The following PPARGC1A variants were observed in gnomAD, a reference collection of about 807,000 sequenced individuals.
PPARGC1A encodes the protein peroxisome proliferator-activated receptor gamma coactivator 1-alpha.
In PPARGC1A, 25 loss-of-function variants were observed where a neutral mutation model predicts 88.7. The ratio of observed to expected loss-of-function variants is 0.28; its 90% CI spans 0.21 to 0.39. The LOEUF is 0.39. PPARGC1A is among the 10% of genes least tolerant of loss of function. The probability of loss-of-function intolerance (pLI) is 1.00; values close to 1 mark genes in which losing one functional copy is unlikely to be tolerated. For missense variants in PPARGC1A, 880 were observed against 968.7 expected (o/e 0.91, Z 1.22); for synonymous variants, 363 against 355.6 (o/e 1.02, Z -0.24).
chr4:24,377,015 G>A, the PPARGC1A span, among the ~76,000 whole-genome samples: 7 of 152,050 alleles, frequency 4.6e-5, no homozygotes, highest in Non-Finnish European at 8.8e-5. Context: ...GAGGGCACCA[G>A]TTACTGAACT....
At chr4:23,975,036 G>A in the PPARGC1A span, among the ~76,000 whole-genome samples, 1 of 151,936 alleles carries the variant, frequency 6.6e-6, no homozygotes, top group Admixed American at 6.6e-5. Context: ...GGCTACGGGC[G>A]CAGCACAAAG....
At chr4:23,886,816 C>A (rs187002314) in intron 1 of PPARGC1A, among the ~76,000 whole-genome samples, 45 of 144,574 alleles carry the variant, frequency 3.1e-4, no homozygotes, top group Middle Eastern at 7.2e-3. Context: ...ACTTTTTCAA[C>A]GGTGCAAGAT....
At chr4:24,256,290 C>T in the PPARGC1A span, among the ~76,000 whole-genome samples, 1 of 152,126 alleles carries the variant, frequency 6.6e-6, no homozygotes, top group Admixed American at 6.5e-5. Context: ...GTTTGTCTTG[C>T]ATACCAAAAA....
the PPARGC1A span, among the ~76,000 whole-genome samples, chr4:24,274,969 T>C: frequency 1.3e-5 from 2 of 152,166 alleles, no homozygotes; most frequent in African/African-American, 4.8e-5. Context: ...ACCAAGAAAC[T>C]TTGCCGCTAA....
At chr4:24,419,684 T>C in the PPARGC1A span, among the ~76,000 whole-genome samples, 5 of 152,164 alleles carry the variant, frequency 3.3e-5, no homozygotes, top group South Asian at 4.1e-4. Flanking sequence ...CTGCTGACTC[T>C]TCAATTCTTT....
the PPARGC1A span, among the ~76,000 whole-genome samples, chr4:24,370,369 C>T: frequency 4.6e-5 from 7 of 152,126 alleles, no homozygotes; most frequent in Admixed American, 1.3e-4. Flanking sequence ...TAAATAATAG[C>T]GACGGTGTAT....
the PPARGC1A span, among the ~76,000 whole-genome samples, chr4:24,277,812 A>T: frequency 6.6e-6 from 1 of 152,138 alleles, no homozygotes; most frequent in Admixed American, 6.5e-5. Context: ...TGCTCCTGTC[A>T]CTAATGGGCT....
At chr4:24,258,992 T>C in the PPARGC1A span, among the ~76,000 whole-genome samples, 6 of 152,110 alleles carry the variant, frequency 3.9e-5, no homozygotes, top group South Asian at 2.1e-4. Flanking sequence ...AATCCTATGG[T>C]TCGATAATTT....
the PPARGC1A span, among the ~76,000 whole-genome samples, chr4:24,422,932 G>A: frequency 2.0e-5 from 3 of 152,266 alleles, no homozygotes; most frequent in Middle Eastern, 3.4e-3. Context: ...ATCCCATGCC[G>A]ATTCACTAAG....
At chr4:24,405,037 A>C in the PPARGC1A span, among the ~76,000 whole-genome samples, 18 of 152,330 alleles carry the variant, frequency 1.2e-4, no homozygotes, top group East Asian at 3.5e-3. Flanking sequence ...GGACTTAATG[A>C]TGCCTGCCTA....
chr4:24,243,254 T>A, the PPARGC1A span, among the ~76,000 whole-genome samples: 2 of 152,172 alleles, frequency 1.3e-5, no homozygotes, highest in Non-Finnish European at 2.9e-5. Flanking sequence ...ATTATTAATA[T>A]TTGGAACCCA....
At chr4:24,375,643 ATG>A in the PPARGC1A span, among the ~76,000 whole-genome samples, 1 of 152,276 alleles carries the variant, frequency 6.6e-6, no homozygotes, top group African/African-American at 2.4e-5. Flanking sequence ...AGCTTATATT[ATG>A]GTGGGAGGAG....
the PPARGC1A span, among the ~76,000 whole-genome samples, chr4:24,412,569 C>T: frequency 6.6e-6 from 1 of 152,182 alleles, no homozygotes; most frequent in Non-Finnish European, 1.5e-5. Context: ...CAACCTCCAC[C>T]TCCCGGGTTC....
the PPARGC1A span, among the ~76,000 whole-genome samples, chr4:24,233,878 G>C: frequency 6.6e-6 from 1 of 152,186 alleles, no homozygotes; most frequent in African/African-American, 2.4e-5. Context: ...CCCAGCCTAA[G>C]AATTTATAAA....
At chr4:24,368,155 C>T in the PPARGC1A span, among the ~76,000 whole-genome samples, 3 of 152,166 alleles carry the variant, frequency 2.0e-5, no homozygotes, top group Non-Finnish European at 2.9e-5. Context: ...AGAGGTGAGA[C>T]GTGAATCGTC....
the PPARGC1A span, among the ~76,000 whole-genome samples, chr4:24,075,468 A>G: frequency 7.2e-5 from 11 of 152,290 alleles, no homozygotes; most frequent in Admixed American, 7.2e-4. Flanking sequence ...AGAAATAACA[A>G]ACCTTATAAT....
chr4:24,397,335 T>C, the PPARGC1A span, among the ~76,000 whole-genome samples: 4 of 152,196 alleles, frequency 2.6e-5, no homozygotes, highest in Non-Finnish European at 5.9e-5. Flanking sequence ...TGCACTGAGA[T>C]GCAAACATGA....
the PPARGC1A span, among the ~76,000 whole-genome samples, chr4:23,978,679 C>T: frequency 2.0e-5 from 3 of 152,176 alleles, no homozygotes; most frequent in Non-Finnish European, 4.4e-5. Flanking sequence ...TGGGGAATTA[C>T]AGCTAAGATA....
At chr4:24,307,941 C>T in the PPARGC1A span, among the ~76,000 whole-genome samples, 1 of 152,122 alleles carries the variant, frequency 6.6e-6, no homozygotes, top group Non-Finnish European at 1.5e-5. Context: ...TAAACTCCTG[C>T]CTTTCCCAAC....
Sources: gnomAD v4.1 joint callset for allele counts (sites outside exome capture counted in the v4.1 genomes callset) on GRCh38, gnomAD v4.1.1 for gene constraint, MANE v1.5 for transcripts, NCBI Gene and HGNC (gene_info 2026-07-23, HGNC 2026-07-21) for gene names.